KAZN: variants seen among roughly 807,000 people sequenced by gnomAD.
The protein encoded by KAZN is kazrin.
KAZN carries 40 observed loss-of-function variants against 87.4 expected under a neutral mutation model. The ratio of observed to expected loss-of-function variants is 0.46; its 90% CI spans 0.36 to 0.60. The LOEUF (loss-of-function observed/expected upper bound fraction) is 0.60. Among genes scored for constraint, KAZN ranks in the 20% least tolerant of loss-of-function variants. KAZN has a pLI of 0.00. For missense variants in KAZN, 898 were observed against 1,073.9 expected (o/e 0.84, Z 2.29); for synonymous variants, 466 against 458.3 (o/e 1.02, Z -0.22).
chr1:15,109,813 T>C (rs1460208248), intron 13 of KAZN, among the ~76,000 whole-genome samples: 4 of 143,064 alleles, frequency 2.8e-5, no homozygotes, highest in African/African-American at 1.0e-4. Flanking sequence ...GTGTGTGTTG[T>C]ATGTGTATGT....
At chr1:14,628,842 C>CT (rs67908811) in intron 1 of KAZN, among the ~76,000 whole-genome samples, 2,301 of 126,812 alleles carry the variant, frequency 0.018, 70 homozygotes, top group African/African-American at 0.059. Context: ...CTTTCACATT[C>CT]TTTTTTTTTT....
At chr1:14,824,995 T>C in intron 1 of KAZN, among the ~76,000 whole-genome samples, 1 of 152,268 alleles carries the variant, frequency 6.6e-6, no homozygotes, top group East Asian at 1.9e-4. Flanking sequence ...CTCTCTGCTG[T>C]GAGCCCCAAA....
intron 1 of KAZN, among the ~76,000 whole-genome samples, chr1:13,980,963 G>A (rs1015461581): frequency 4.0e-5 from 6 of 151,386 alleles, no homozygotes; most frequent in African/African-American, 1.5e-4. Flanking sequence ...CTCCTAGAAC[G>A]AGTGTTCCAG....
rs1479563282 is a variant in KAZN, at chr1:13,954,031, T to C, written c.91+60275T>C. 2.0e-5 allele frequency among the ~76,000 whole-genome samples: 3 copies of C among 152,252 alleles called. No homozygotes were observed. In the East Asian group the frequency reaches 5.8e-4, roughly 29 times the overall value. Reference sequence around the variant, plus strand: ...ATGTATTATCAGTAAACTTTGTTTTTTTCCATTCGGCCCCATGCATTTGTT... The same window carrying C: ...ATGTATTATCAGTAAACTTTGTTTTCTTCCATTCGGCCCCATGCATTTGTT... On this transcript the variant is annotated intron_variant, in intron 1 of 16. Transcript: ENST00000636203.
intron 2 of KAZN, among the ~76,000 whole-genome samples, chr1:14,270,696 C>G (rs1457344663): frequency 6.6e-6 from 1 of 152,194 alleles, no homozygotes; most frequent in African/African-American, 2.4e-5. Flanking sequence ...ATTCATAATT[C>G]ATTAATCATG....
intron 2 of KAZN, among the ~76,000 whole-genome samples, chr1:14,193,661 GTTTT>G (rs35505020): frequency 0.2 from 27,896 of 140,638 alleles, 4,154 homozygotes; most frequent in African/African-American, 0.42. Flanking sequence ...AGACTAAGGT[GTTTT>G]TTTTTTTTTT....
intron 2 of KAZN, among the ~76,000 whole-genome samples, chr1:14,364,733 G>A (rs1659825113): frequency 6.6e-6 from 1 of 152,224 alleles, no homozygotes; most frequent in South Asian, 2.1e-4. Context: ...TGAAAGACAA[G>A]TTGTCGTCAG....
chr1:14,978,673 C>T (rs1665918279), intron 2 of KAZN, among the ~76,000 whole-genome samples: 1 of 152,132 alleles, frequency 6.6e-6, no homozygotes. Context: ...GGCCACCGAG[C>T]GCATCTCAGC....
intron 4 of KAZN, among the ~76,000 whole-genome samples, chr1:15,047,009 C>G (rs542914427): frequency 2.0e-5 from 3 of 152,248 alleles, no homozygotes; most frequent in Non-Finnish European, 4.4e-5. Flanking sequence ...ACTCCCACTG[C>G]GTCTGGACAC....
At chr1:14,846,695 G>T (rs941258501) in intron 1 of KAZN, among the ~76,000 whole-genome samples, 4 of 152,114 alleles carry the variant, frequency 2.6e-5, no homozygotes, top group Admixed American at 6.6e-5. Context: ...AATCAGGGGG[G>T]AGTTATCATC....
intron 1 of KAZN, among the ~76,000 whole-genome samples, chr1:14,905,544 A>C (rs1403135964): frequency 6.6e-6 from 1 of 152,214 alleles, no homozygotes; most frequent in African/African-American, 2.4e-5. Flanking sequence ...CAAATAGTTC[A>C]GTAAAAATAA....
At chr1:14,442,211 TG>T (rs1457609663) in intron 2 of KAZN, among the ~76,000 whole-genome samples, 1 of 152,230 alleles carries the variant, frequency 6.6e-6, no homozygotes, top group Admixed American at 6.5e-5. Context: ...AATTACAAGG[TG>T]TTATACAAAG....
chr1:14,545,253 T>G (rs1557789890), intron 2 of KAZN, among the ~76,000 whole-genome samples: 1 of 152,218 alleles, frequency 6.6e-6, no homozygotes, highest in African/African-American at 2.4e-5. Flanking sequence ...ATTAACTTGA[T>G]GCCTTTGTCA....
intron 1 of KAZN, among the ~76,000 whole-genome samples, chr1:13,923,588 A>AAAAAAAAAAG (rs1553174046): frequency 7.1e-6 from 1 of 139,884 alleles, no homozygotes; most frequent in Non-Finnish European, 1.5e-5. Context: ...AAAAAAAAAA[A>AAAAAAAAAAG]AAAATATAAT....
chr1:14,981,477 T>C (rs1183940985), intron 2 of KAZN, among the ~76,000 whole-genome samples: 5 of 152,250 alleles, frequency 3.3e-5, no homozygotes, highest in Admixed American at 6.5e-5. Context: ...AAAGGTGCTC[T>C]TCTATCATTG....
chr1:14,175,944 C>T (rs1646065229), intron 1 of KAZN, among the ~76,000 whole-genome samples: 1 of 152,120 alleles, frequency 6.6e-6, no homozygotes, highest in African/African-American at 2.4e-5. Context: ...CAACTCTTCT[C>T]CTCATGGCTC....
chr1:14,442,841 G>A (rs74059509), intron 2 of KAZN, among the ~76,000 whole-genome samples: 29 of 152,270 alleles, frequency 1.9e-4, no homozygotes, highest in African/African-American at 7.0e-4. Context: ...GTTCATTGCC[G>A]CCTTGTGGCA....
intron 2 of KAZN, among the ~76,000 whole-genome samples, chr1:14,432,658 C>T (rs1666140349): frequency 6.6e-6 from 1 of 151,966 alleles, no homozygotes; most frequent in Non-Finnish European, 1.5e-5. Context: ...CACCTATCAG[C>T]CTGTCATCTA....
intron 2 of KAZN, among the ~76,000 whole-genome samples, chr1:14,247,312 C>A (rs1168057879): frequency 6.6e-6 from 1 of 152,084 alleles, no homozygotes; most frequent in East Asian, 1.9e-4. Context: ...AACAAGCTAT[C>A]TGGGGGACAA....
Sources: gnomAD v4.1 joint callset for allele counts (sites outside exome capture counted in the v4.1 genomes callset) on GRCh38, gnomAD v4.1.1 for gene constraint, MANE v1.5 for transcripts, NCBI Gene and HGNC (gene_info 2026-07-23, HGNC 2026-07-21) for gene names.